The following BMP6 variants were observed in gnomAD, a reference collection of about 807,000 sequenced individuals.
BMP6 encodes the protein bone morphogenetic protein 6, also known as VG-1-R.
A neutral mutation model predicts 54.1 loss-of-function variants in BMP6; 17 were observed. The observed-to-expected ratio is 0.31, with a 90% CI of 0.22 to 0.47. The LOEUF (loss-of-function observed/expected upper bound fraction) is 0.47. Among genes scored for constraint, BMP6 ranks in the 20% least tolerant of loss-of-function variants. BMP6 has a pLI of 1.00. For synonymous variants in BMP6, 328 were observed against 291.2 expected (o/e 1.13, Z -1.28); for missense variants, 720 against 690.4 (o/e 1.04, Z -0.48).
chr6:7,739,485 C>T (rs1762009701), intron 1 of BMP6, among the ~76,000 whole-genome samples: 1 of 152,072 alleles, frequency 6.6e-6, no homozygotes, highest in African/African-American at 2.4e-5. Flanking sequence ...ATCCTATTAT[C>T]TCAGCAAGGC....
intron 4 of BMP6, among the ~76,000 whole-genome samples, chr6:7,874,165 C>T (rs1213447997): frequency 6.6e-6 from 1 of 152,050 alleles, no homozygotes; most frequent in Non-Finnish European, 1.5e-5. Context: ...GTTAGGAGGG[C>T]CAGGCCTGGC....
chr6:7,787,770 A>G (rs895599425), intron 1 of BMP6, among the ~76,000 whole-genome samples: 1 of 152,052 alleles, frequency 6.6e-6, no homozygotes, highest in African/African-American at 2.4e-5. Flanking sequence ...CTGCCTCTCA[A>G]CTCCTATGGA....
intron 1 of BMP6, among the ~76,000 whole-genome samples, chr6:7,798,533 C>T (rs1758224462): frequency 6.6e-6 from 1 of 152,186 alleles, no homozygotes; most frequent in Admixed American, 6.5e-5. Context: ...CAAAACCACA[C>T]TAATTTAGGG....
chr6:7,842,350 A>G (rs375178214), intron 1 of BMP6, among the ~76,000 whole-genome samples: 9 of 152,140 alleles, frequency 5.9e-5, no homozygotes, highest in African/African-American at 2.2e-4. Flanking sequence ...GCTTGGGGAC[A>G]GGCTGGACAG....
At chr6:7,827,936 CA>C (rs1278577511) in intron 1 of BMP6, among the ~76,000 whole-genome samples, 1 of 152,170 alleles carries the variant, frequency 6.6e-6, no homozygotes, top group Non-Finnish European at 1.5e-5. Flanking sequence ...TGACAGCGTT[CA>C]GGTAGGGATT....
At chr6:7,778,304 A>G (rs140246900) in intron 1 of BMP6, among the ~76,000 whole-genome samples, 91 of 152,378 alleles carry the variant, frequency 6.0e-4, no homozygotes, top group African/African-American at 2.0e-3. Flanking sequence ...TATTGAGGGT[A>G]CTTGTTCCAA....
chr6:7,735,719 T>C (rs1761944272), intron 1 of BMP6, among the ~76,000 whole-genome samples: 1 of 152,162 alleles, frequency 6.6e-6, no homozygotes, highest in Non-Finnish European at 1.5e-5. Context: ...GGTATCTTTG[T>C]TGCAATTGAT....
chr6:7,855,135 C>CT (rs1375724756), intron 2 of BMP6, among the ~76,000 whole-genome samples: 1 of 152,210 alleles, frequency 6.6e-6, no homozygotes, highest in East Asian at 1.9e-4. Flanking sequence ...TTGGTTTGCA[C>CT]TGTTTTAGGG....
At chr6:7,813,224 C>G (rs1205031138) in intron 1 of BMP6, among the ~76,000 whole-genome samples, 2 of 129,840 alleles carry the variant, frequency 1.5e-5, no homozygotes, top group South Asian at 5.1e-4. Flanking sequence ...TGTTTTCTCT[C>G]TTTAGTTTCT....
chr6:7,789,075 A>G (rs761131521), intron 1 of BMP6, among the ~76,000 whole-genome samples: 5 of 152,212 alleles, frequency 3.3e-5, no homozygotes, highest in Non-Finnish European at 7.3e-5. Context: ...GATATCCAGT[A>G]CAATCAAGTA....
At chr6:7,821,439 C>T (rs1193704211) in intron 1 of BMP6, among the ~76,000 whole-genome samples, 1 of 152,194 alleles carries the variant, frequency 6.6e-6, no homozygotes, top group African/African-American at 2.4e-5. Context: ...AATCCCCGCA[C>T]TTTGGGAGGC....
intron 1 of BMP6, among the ~76,000 whole-genome samples, chr6:7,741,463 T>C: frequency 6.9e-6 from 1 of 144,430 alleles, no homozygotes; most frequent in East Asian, 2.0e-4. Context: ...GCCTGGCTAG[T>C]TGTTTTAATT....
At chr6:7,771,956 G>A (rs986966826) in intron 1 of BMP6, among the ~76,000 whole-genome samples, 5 of 151,968 alleles carry the variant, frequency 3.3e-5, no homozygotes, top group Admixed American at 3.3e-4. Context: ...GGGAGGCTGA[G>A]GCAGAGAGAA....
intron 2 of BMP6, among the ~76,000 whole-genome samples, chr6:7,854,119 T>C (rs991049623): frequency 6.6e-6 from 1 of 152,226 alleles, no homozygotes; most frequent in African/African-American, 2.4e-5. Context: ...TGGGAACTGC[T>C]TATCTACTTG....
intron 1 of BMP6, among the ~76,000 whole-genome samples, chr6:7,733,617 CTT>C (rs1207102500): frequency 2.0e-5 from 3 of 152,202 alleles, no homozygotes; most frequent in South Asian, 4.1e-4. Flanking sequence ...GGCATCTTCT[CTT>C]GTGTTCCCCG....
At chr6:7,864,192 G>C (rs1271443575) in intron 4 of BMP6, among the ~76,000 whole-genome samples, 1 of 152,038 alleles carries the variant, frequency 6.6e-6, no homozygotes, top group Non-Finnish European at 1.5e-5. Flanking sequence ...CAAATTCTGG[G>C]GTCCTTTGGC....
At chr6:7,733,513 C>G (rs61668994) in intron 1 of BMP6, among the ~76,000 whole-genome samples, 3 of 152,070 alleles carry the variant, frequency 2.0e-5, no homozygotes, top group African/African-American at 4.8e-5. Context: ...CTGTCCCCCC[C>G]TCCCTAGGCC....
chr6:7,784,934 T>C (rs1758000284), intron 1 of BMP6, among the ~76,000 whole-genome samples: 1 of 152,218 alleles, frequency 6.6e-6, no homozygotes, highest in Non-Finnish European at 1.5e-5. Context: ...GTTTGAGGTG[T>C]ACTTTTCACT....
intron 1 of BMP6, among the ~76,000 whole-genome samples, chr6:7,751,121 G>A (rs1757416789): frequency 6.6e-6 from 1 of 152,170 alleles, no homozygotes; most frequent in African/African-American, 2.4e-5. Flanking sequence ...ATTGCCTCCC[G>A]CTGATATTTA....
Sources: gnomAD v4.1 joint callset for allele counts (sites outside exome capture counted in the v4.1 genomes callset) on GRCh38, gnomAD v4.1.1 for gene constraint, MANE v1.5 for transcripts, NCBI Gene and HGNC (gene_info 2026-07-23, HGNC 2026-07-21) for gene names.